The following IGSF5 variants were observed in gnomAD, a reference collection of about 807,000 sequenced individuals.
The protein encoded by IGSF5 is immunoglobulin superfamily 5 like.
A neutral mutation model predicts 39.4 loss-of-function variants in IGSF5; 41 were observed. That is an observed-to-expected ratio of 1.04 (90% CI 0.81 to 1.35). The LOEUF (loss-of-function observed/expected upper bound fraction) is 1.35. Among genes scored for constraint, IGSF5 ranks in the 40% most tolerant of loss-of-function variants. The pLI is 0.00. For missense variants in IGSF5, 487 were observed against 494.6 expected, an observed-to-expected ratio of 0.98 and a Z score of 0.15; for synonymous variants, 183 against 175.3, an observed-to-expected ratio of 1.04 and a Z score of -0.34.
At chr21:39,717,773 A>G in the IGSF5 span, among the ~76,000 whole-genome samples, 2 of 152,174 alleles carry the variant, frequency 1.3e-5, no homozygotes, top group African/African-American at 4.8e-5. Flanking sequence ...ATCAGGTAAC[A>G]TAATTCCTCC....
chr21:39,772,229 G>T (rs1024503947), intron 4 of IGSF5, among the ~76,000 whole-genome samples: 3 of 152,136 alleles, frequency 2.0e-5, no homozygotes, highest in African/African-American at 7.2e-5. Flanking sequence ...CAAGGTGACC[G>T]GGACAGTGCT....
the IGSF5 span, among the ~76,000 whole-genome samples, chr21:39,738,614 A>C: frequency 6.6e-6 from 1 of 152,214 alleles, no homozygotes; most frequent in Admixed American, 6.5e-5. This position sits in a 1 kb window ranked among gnomAD's most constrained non-coding sequence, Gnocchi z 6.4. Context: ...TTGGGAGCTT[A>C]GATACCATTT....
At chr21:39,747,926 A>G (rs1020531740) in intron 2 of IGSF5, among the ~76,000 whole-genome samples, 6 of 148,768 alleles carry the variant, frequency 4.0e-5, no homozygotes, top group East Asian at 2.0e-4. Flanking sequence ...CAGAGTGCAC[A>G]TGAAAAACTC....
At chr21:39,778,676 A>G (rs977161045) in intron 4 of IGSF5, among the ~76,000 whole-genome samples, 16 of 152,192 alleles carry the variant, frequency 1.1e-4, no homozygotes, top group African/African-American at 3.6e-4. Flanking sequence ...GAGTGGGGAC[A>G]TGGAAGGGAG....
intron 2 of IGSF5, among the ~76,000 whole-genome samples, chr21:39,755,964 A>T (rs9753824): frequency 6.6e-6 from 1 of 151,078 alleles, no homozygotes; most frequent in South Asian, 2.1e-4. Flanking sequence ...AAAATTAGCC[A>T]GGCGTACTTC....
chr21:39,738,898 T>C, the IGSF5 span, among the ~76,000 whole-genome samples: 5 of 151,956 alleles, frequency 3.3e-5, no homozygotes, highest in Non-Finnish European at 7.4e-5. This position sits in a 1 kb window ranked among gnomAD's most constrained non-coding sequence, Gnocchi z 6.4. Context: ...AAGCTTTTTT[T>C]TTGTTTTGAG....
At chr21:39,798,394 T>C (rs1226092592) in intron 8 of IGSF5, among the ~76,000 whole-genome samples, 2 of 152,188 alleles carry the variant, frequency 1.3e-5, no homozygotes, top group African/African-American at 4.8e-5. Flanking sequence ...GGTAGTGCCA[T>C]GCTCTTTCTC....
chr21:39,738,621 A>G, the IGSF5 span, among the ~76,000 whole-genome samples: 1 of 152,184 alleles, frequency 6.6e-6, no homozygotes, highest in Non-Finnish European at 1.5e-5. This position sits in a 1 kb window ranked among gnomAD's most constrained non-coding sequence, Gnocchi z 6.4. Flanking sequence ...CTTAGATACC[A>G]TTTTAGCAAA....
intron 2 of IGSF5, among the ~76,000 whole-genome samples, chr21:39,760,795 C>A (rs1438273535): frequency 6.6e-6 from 1 of 152,142 alleles, no homozygotes; most frequent in Non-Finnish European, 1.5e-5. Context: ...TGGTCTCGAT[C>A]TCTTGACCTC....
At chr21:39,739,896 A>G in the IGSF5 span, among the ~76,000 whole-genome samples, 2 of 152,162 alleles carry the variant, frequency 1.3e-5, no homozygotes, top group South Asian at 4.1e-4. Context: ...ATTCAAATGT[A>G]TGGCCTGGGG....
At chr21:39,711,929 C>T in the IGSF5 span, among the ~76,000 whole-genome samples, 3 of 152,126 alleles carry the variant, frequency 2.0e-5, no homozygotes, top group South Asian at 6.2e-4. Context: ...CCTGAAGTGT[C>T]AGGGAGGCAG....
In IGSF5 at chr21:39,801,415, G is replaced by A. The variant is rs996518931; in HGVS notation, c.*58G>A. On this transcript the variant is annotated 3_prime_UTR_variant, in exon 9 of 9. Coordinates refer to ENST00000380588, the MANE Select transcript of IGSF5 (RefSeq NM_001080444.2). Reference sequence around the variant, plus strand: ...GCTGACAATTCAAAACACGGCGATGGCATCCTTCCTTTCCATCCTAAGACT... The same window carrying A: ...GCTGACAATTCAAAACACGGCGATGACATCCTTCCTTTCCATCCTAAGACT... The A allele has an allele frequency of 3.2e-6, 4 of 1,251,740 alleles. No homozygotes were observed. Among genetic ancestry groups the A allele is most frequent in the African/African-American group, 1.5e-5 (1 of 67,958 alleles). 77.5% of individuals were successfully genotyped at this position (1,251,740 alleles called of 1,614,324 possible). A position where few individuals can be genotyped will look rare whatever the true frequency, so the allele number is the denominator to read the frequency against.
the IGSF5 span, among the ~76,000 whole-genome samples, chr21:39,731,908 G>A: frequency 2.4e-4 from 37 of 152,340 alleles, no homozygotes; most frequent in African/African-American, 8.4e-4. Context: ...AACTAATAGA[G>A]TGACACTGTG....
At chr21:39,731,236 G>A in the IGSF5 span, among the ~76,000 whole-genome samples, 1 of 152,128 alleles carries the variant, frequency 6.6e-6, no homozygotes, top group African/African-American at 2.4e-5. Flanking sequence ...TGAGAGGTCG[G>A]TTTATCGCTT....
intron 2 of IGSF5, among the ~76,000 whole-genome samples, chr21:39,749,772 C>T (rs1232566967): frequency 3.3e-5 from 5 of 152,228 alleles, no homozygotes; most frequent in Non-Finnish European, 7.3e-5. Flanking sequence ...TCACTGAATA[C>T]ACAATTTACA....
At chr21:39,778,730 A>G (rs2080153765) in intron 4 of IGSF5, among the ~76,000 whole-genome samples, 1 of 152,182 alleles carries the variant, frequency 6.6e-6, no homozygotes, top group African/African-American at 2.4e-5. Flanking sequence ...GTAGTGCTCA[A>G]AAAGTATTTC....
intron 3 of IGSF5, among the ~76,000 whole-genome samples, chr21:39,769,163 T>G (rs2080101419): frequency 6.6e-6 from 1 of 152,166 alleles, no homozygotes; most frequent in African/African-American, 2.4e-5. Flanking sequence ...AGTTTCAGAT[T>G]CCACTGTGTA....
chr21:39,794,514 C>G (rs1257971121), intron 8 of IGSF5, among the ~76,000 whole-genome samples: 1 of 152,116 alleles, frequency 6.6e-6, no homozygotes, highest in Non-Finnish European at 1.5e-5. Flanking sequence ...GATATAGAGT[C>G]AGCATTGGTT....
At chr21:39,725,907 A>C in the IGSF5 span, 1 of 152,162 alleles carries the variant, frequency 6.6e-6, no homozygotes. Context: ...CAGAGGCTGG[A>C]CTGGAAGATG....
Sources: gnomAD v4.1 joint callset for allele counts (sites outside exome capture counted in the v4.1 genomes callset) on GRCh38, gnomAD v4.1.1 for gene constraint, Gnocchi (gnomAD v3.1) non-coding constraint, MANE v1.5 for transcripts, NCBI Gene and HGNC (gene_info 2026-07-23, HGNC 2026-07-21) for gene names.